The following OS9 variants were observed in gnomAD, a reference collection of about 807,000 sequenced individuals.
OS9 encodes OS9 endoplasmic reticulum lectin.
In OS9, 58 loss-of-function variants were observed where a neutral mutation model predicts 84.7. The observed-to-expected ratio is 0.68, with a 90% confidence interval of 0.55 to 0.85. The LOEUF (loss-of-function observed/expected upper bound fraction) is 0.85, where lower values mean the gene tolerates loss of function less well. OS9 is among the 40% of genes least tolerant of loss of function. The pLI is 0.00. For missense variants in OS9, 760 were observed against 850.9 expected, an observed-to-expected ratio of 0.89 and a Z score of 1.33; for synonymous variants, 278 against 320.8, an observed-to-expected ratio of 0.87 and a Z score of 1.43.
intron 5 of OS9, among the ~76,000 whole-genome samples, chr12:57,699,914 G>A (rs1210858093): frequency 6.6e-6 from 1 of 152,136 alleles, no homozygotes; most frequent in Non-Finnish European, 1.5e-5. Flanking sequence ...TGGCCAATAT[G>A]GTGAAACCCC....
intron 12 of OS9, chr12:57,719,495 T>C (rs2140338941): frequency 3.0e-6 from 1 of 329,332 alleles, no homozygotes; most frequent in Non-Finnish European, 5.6e-6. Context: ...TGAATGCTTG[T>C]GAGTCTATAT....
At chr12:57,703,738 TG>T (rs1449299629) in intron 5 of OS9, among the ~76,000 whole-genome samples, 1 of 149,624 alleles carries the variant, frequency 6.7e-6, no homozygotes, top group Non-Finnish European at 1.5e-5. Flanking sequence ...TTGGGATCCC[TG>T]GACATTCCAT....
chr12:57,708,165 G>T (rs1020599391), intron 5 of OS9, among the ~76,000 whole-genome samples: 1 of 152,104 alleles, frequency 6.6e-6, no homozygotes, highest in Non-Finnish European at 1.5e-5. Context: ...CTCAACTATA[G>T]AAATGCTTAA....
Position 57,717,951 on chromosome 12 carries a change from CA to C in OS9, c.1133del (p.Lys378ArgfsTer6). On this transcript the variant is annotated frameshift_variant, in exon 10 of 15. Coordinates refer to ENST00000315970, the MANE Select transcript of OS9 (RefSeq NM_006812.4). LOFTEE classifies it high-confidence loss of function. ...TTCATAGAGGAGCTGAAAGGTGGAA[CA>C]AAAAAGGTATAGGCCGTGCTTAGGG... ...IRFIEELKGG[T>X]KKGKPNIGQE... 1 of 1,611,062 alleles carries C rather than the reference CA, an allele frequency of 6.2e-7. No homozygotes were observed. Among genetic ancestry groups the C allele is most frequent in the Non-Finnish European group, 8.5e-7 (1 of 1,178,826 alleles).
intron 9 of OS9, 78 bp from the exon 10 acceptor site, chr12:57,717,792 C>CAAAA (rs59663591): frequency 3.5e-4 from 151 of 428,924 alleles, no homozygotes; most frequent in South Asian, 1.1e-3. Context: ...GACTCTGTCT[C>CAAAA]AAAAAAAAAA....
chr12:57,698,366 G>A (rs1297320319), intron 5 of OS9, among the ~76,000 whole-genome samples: 1 of 152,174 alleles, frequency 6.6e-6, no homozygotes. Flanking sequence ...CAAGAACTGA[G>A]GTCAAGACTG....
rs201184567 is a variant in OS9 at position 57,720,501 on chromosome 12, A to G, written c.1861A>G (p.Ile621Val). ...TDEDTRNLKEIFFNILVPGAE... is the reference protein window; with the variant it reads ...TDEDTRNLKEVFFNILVPGAE... The stretch of plus-strand genomic sequence containing the variant: ...TGAGGACACGAGAAACCTCAAGGAG[A>G]TCTTCTTCAATATCTTGGTAAGAGG... The change falls in exon 14 of 15, where the codon ATC (isoleucine) becomes GTC (valine). Residue 621 changes from isoleucine (I) to valine (V), a missense_variant. By Grantham distance (29) the Ile-to-Val change is conservative. Coordinates refer to ENST00000315970, the MANE Select transcript of OS9 (RefSeq NM_006812.4). 38 of 1,610,218 alleles carry G rather than the reference A, an allele frequency of 2.4e-5. No homozygotes were observed. The African/African-American group carries it at 4.5e-4, about 19-fold the overall frequency.
intron 5 of OS9, among the ~76,000 whole-genome samples, chr12:57,705,792 G>A (rs1341837451): frequency 6.6e-6 from 1 of 152,060 alleles, no homozygotes; most frequent in African/African-American, 2.4e-5. Flanking sequence ...TAAAGTGCTG[G>A]GATTACAGGC....
At chr12:57,696,958 G>T (rs921177476) in intron 5 of OS9, among the ~76,000 whole-genome samples, 1 of 152,188 alleles carries the variant, frequency 6.6e-6, no homozygotes, top group Non-Finnish European at 1.5e-5. Flanking sequence ...CTTTACAAGT[G>T]CTTCTCATCT....
intron 5 of OS9, among the ~76,000 whole-genome samples, chr12:57,704,406 G>A (rs7953584): frequency 0.078 from 11,843 of 151,914 alleles, 521 homozygotes; most frequent in African/African-American, 0.1. Context: ...GCGTGGTGGC[G>A]CACACCTGTA....
intron 5 of OS9, among the ~76,000 whole-genome samples, chr12:57,700,169 TA>T (rs1236793262): frequency 7.0e-6 from 1 of 143,358 alleles, no homozygotes; most frequent in African/African-American, 2.5e-5. Context: ...GAAAGGGAGA[TA>T]AAAGGTAAGC....
intron 12 of OS9, 22 bp downstream of exon 12, chr12:57,719,204 A>G (rs997641497): frequency 6.2e-7 from 1 of 1,603,814 alleles, no homozygotes; most frequent in Non-Finnish European, 8.5e-7. Context: ...CAGACAAGAA[A>G]GAGTAGCCCA....
chr12:57,695,184 G>C, intron 2 of OS9: 1 of 515,120 alleles, frequency 1.9e-6, no homozygotes, highest in Non-Finnish European at 3.5e-6. Context: ...GCGTGGGGTA[G>C]GAGGAGTACT....
chr12:57,716,113 A>T lies in OS9; in HGVS notation c.812A>T (p.Lys271Ile), dbSNP rs1220931435. The stretch of plus-strand genomic sequence containing the variant: ...GTAGACTCAAAGCAGTATGGAGATA[A>T]AATCATAGAGGAGCTGCAAGATCTA... ...RQADSKQYGD[K>I]IIEELQDLGP... Residue 271 changes from lysine (K) to isoleucine (I), a missense_variant, in exon 7 of 15, where the codon AAA becomes ATA. Transcript: ENST00000315970. 2 of 1,613,686 alleles carry T rather than the reference A, an allele frequency of 1.2e-6. No individual in the cohort carries two copies. Among genetic ancestry groups the T allele is most frequent in the African/African-American group, 2.7e-5 (2 of 74,884 alleles).
In OS9 at chr12:57,717,792, C is replaced by CAAA. The variant is rs59663591; in HGVS notation, c.1046-53_1046-51dup. ...TGGGTGACAGTGCAAGACTCTGTCT[C>CAAA]AAAAAAAAAAAAAAAAAAAAAAAAA... On this transcript the variant is annotated intron_variant, in intron 9 of 14. Transcript: ENST00000315970. 1.9e-3 allele frequency: 803 copies of CAAA among 428,514 alleles called. 1 individual carries two copies. The highest frequency in any genetic ancestry group is 5.9e-3 in the South Asian group (226 of 38,326). 26.5% of individuals were successfully genotyped at this position (428,514 alleles called of 1,614,324 possible). A position where few individuals can be genotyped will look rare whatever the true frequency, so the allele number is the denominator to read the frequency against.
At chr12:57,718,756 T>C (rs1265268275) in intron 11 of OS9, among the ~76,000 whole-genome samples, 1 of 152,028 alleles carries the variant, frequency 6.6e-6, no homozygotes, top group African/African-American at 2.4e-5. Flanking sequence ...TGCAAACAAA[T>C]TGGCCAGGCA....
chr12:57,697,174 TG>T (rs1236912270), intron 5 of OS9, among the ~76,000 whole-genome samples: 3 of 152,222 alleles, frequency 2.0e-5, no homozygotes, highest in African/African-American at 7.2e-5. Flanking sequence ...AGGGAAGCCC[TG>T]ATCTGTAATG....
intron 5 of OS9, among the ~76,000 whole-genome samples, chr12:57,700,444 G>A (rs946215145): frequency 6.6e-6 from 1 of 151,768 alleles, no homozygotes; most frequent in African/African-American, 2.4e-5. Flanking sequence ...GGAGGTTTTG[G>A]TGGCAGAAAG....
intron 6 of OS9, 54 bp downstream of exon 6, chr12:57,716,024 C>A: frequency 6.3e-7 from 1 of 1,596,290 alleles, no homozygotes; most frequent in South Asian, 1.1e-5. Context: ...CAGGGGGTGG[C>A]AAAAGATCAA....
Sources: allele counts gnomAD v4.1 joint callset (sites outside exome capture counted in the v4.1 genomes callset), GRCh38; gene constraint gnomAD v4.1.1; transcripts MANE v1.5; gene names NCBI Gene and HGNC (gene_info 2026-07-23, HGNC 2026-07-21).